Variants in DACH2 observed in about 807,000 individuals in gnomAD.
DACH2 encodes the protein dachshund family transcription factor 2.
DACH2 carries 17 observed loss-of-function variants against 35.8 expected under a neutral mutation model. The observed-to-expected ratio is 0.48, with a 90% CI of 0.33 to 0.71. The LOEUF is 0.71. Among genes scored for constraint, DACH2 ranks in the 30% least tolerant of loss-of-function variants. The pLI is 0.02. For missense variants in DACH2, 469 were observed against 472.7 expected, an observed-to-expected ratio of 0.99 and a Z score of 0.07; for synonymous variants, 195 against 177.3, an observed-to-expected ratio of 1.10 and a Z score of -0.79.
At chrX:86,221,613 T>C (rs1273027006) in intron 1 of DACH2, among the ~76,000 whole-genome samples, 1 of 112,120 alleles carries the variant, frequency 8.9e-6, no homozygotes, top group Non-Finnish European at 1.9e-5. Flanking sequence ...TGGATTTTGA[T>C]GGGTGTAACA....
At chrX:86,161,203 C>T in intron 1 of DACH2, 1 of 1,180,682 alleles carries the variant, frequency 8.5e-7, no homozygotes, top group South Asian at 1.8e-5. Context: ...TTGTTAACAC[C>T]AACAATTAGT....
chrX:86,686,219 T>C (rs1398343891), intron 4 of DACH2, among the ~76,000 whole-genome samples: 1 of 110,941 alleles, frequency 9.0e-6, no homozygotes, highest in Non-Finnish European at 1.9e-5. Context: ...AGGGTATTTT[T>C]ATTTTATTTA....
chrX:86,697,739 T>C (rs2041084011), intron 5 of DACH2, among the ~76,000 whole-genome samples: 1 of 110,965 alleles, frequency 9.0e-6, no homozygotes, highest in Non-Finnish European at 1.9e-5. Context: ...GAGTATCTTA[T>C]ATGAAATCAT....
chrX:86,745,791 A>T (rs2041706038), intron 7 of DACH2, among the ~76,000 whole-genome samples: 2 of 111,485 alleles, frequency 1.8e-5, no homozygotes, highest in Admixed American at 9.6e-5. Context: ...TTCTATTTTA[A>T]GTTCTTTGAG....
At chrX:86,613,104 A>G (rs1206253689) in intron 3 of DACH2, among the ~76,000 whole-genome samples, 1 of 112,379 alleles carries the variant, frequency 8.9e-6, no homozygotes, top group Non-Finnish European at 1.9e-5. Context: ...ATAGTTTATT[A>G]TATAAAATAT....
At chrX:86,680,344 A>G (rs1357690920) in intron 4 of DACH2, among the ~76,000 whole-genome samples, 1 of 112,138 alleles carries the variant, frequency 8.9e-6, no homozygotes, top group African/African-American at 3.2e-5. Context: ...GCAGGTAGTG[A>G]AAACTGCAGC....
intron 7 of DACH2, among the ~76,000 whole-genome samples, chrX:86,762,184 A>G (rs1372947622): frequency 9.0e-6 from 1 of 111,652 alleles, no homozygotes; most frequent in Non-Finnish European, 1.9e-5. Context: ...TCAAACAATC[A>G]TAGACATTTA....
intron 1 of DACH2, among the ~76,000 whole-genome samples, chrX:86,190,115 G>GATC (rs1350176245): frequency 9.2e-6 from 1 of 108,256 alleles, no homozygotes; most frequent in Non-Finnish European, 1.9e-5. Context: ...ACTGAGCCAA[G>GATC]ATCATGCCAC....
At chrX:86,459,182 T>C (rs1216699720) in intron 2 of DACH2, among the ~76,000 whole-genome samples, 5 of 111,677 alleles carry the variant, frequency 4.5e-5, no homozygotes, top group Non-Finnish European at 9.4e-5. Context: ...CATTCTATTT[T>C]GCTCTTCTAT....
At chrX:86,394,292 T>G (rs770624900) in intron 2 of DACH2, among the ~76,000 whole-genome samples, 1 of 111,036 alleles carries the variant, frequency 9.0e-6, no homozygotes, top group Non-Finnish European at 1.9e-5. Context: ...TAATTAATTA[T>G]AATTTTATTA....
chrX:86,557,358 T>G (rs2039146839), intron 3 of DACH2, among the ~76,000 whole-genome samples: 1 of 110,932 alleles, frequency 9.0e-6, no homozygotes, highest in Admixed American at 9.6e-5. Context: ...TAAAAAATCT[T>G]TTGAAGTCAG....
intron 2 of DACH2, among the ~76,000 whole-genome samples, chrX:86,501,846 T>A (rs1370234623): frequency 8.9e-6 from 1 of 111,831 alleles, no homozygotes; most frequent in Non-Finnish European, 1.9e-5. Flanking sequence ...TGCCACCTGT[T>A]AATTTTGGTA....
intron 1 of DACH2, among the ~76,000 whole-genome samples, chrX:86,206,887 C>T (rs2032327185): frequency 8.9e-6 from 1 of 111,759 alleles, no homozygotes; most frequent in Non-Finnish European, 1.9e-5. Context: ...TTTTTGTTCT[C>T]ATATTTTTGG....
intron 1 of DACH2, among the ~76,000 whole-genome samples, chrX:86,363,898 G>A (rs2035771771): frequency 9.0e-6 from 1 of 111,251 alleles, no homozygotes; most frequent in Admixed American, 9.6e-5. Flanking sequence ...GTTTCCTATA[G>A]TTAAAAAATT....
chrX:86,681,304 G>A (rs1386545085), intron 4 of DACH2, among the ~76,000 whole-genome samples: 1 of 111,141 alleles, frequency 9.0e-6, no homozygotes, highest in East Asian at 2.8e-4. Flanking sequence ...TAAAAACAGT[G>A]TTTAAAAAGT....
intron 2 of DACH2, among the ~76,000 whole-genome samples, chrX:86,477,445 G>A (rs2037864529): frequency 9.8e-6 from 1 of 101,894 alleles, no homozygotes; most frequent in African/African-American, 3.6e-5. Flanking sequence ...TTATAGTTTT[G>A]TCTTGAAATC....
chrX:86,461,641 G>T (rs67364357), intron 2 of DACH2, among the ~76,000 whole-genome samples: 4,098 of 110,872 alleles, frequency 0.037, 83 homozygotes, highest in East Asian at 0.21. Flanking sequence ...ATTTAACAAA[G>T]TGTCATTGAA....
At chrX:86,707,231 G>A (rs1351281070) in intron 5 of DACH2, among the ~76,000 whole-genome samples, 1 of 110,917 alleles carries the variant, frequency 9.0e-6, no homozygotes, top group Non-Finnish European at 1.9e-5. Context: ...TTGATAACTT[G>A]GATGAAATTA....
intron 2 of DACH2, among the ~76,000 whole-genome samples, chrX:86,394,982 A>G (rs182980584): frequency 2.2e-4 from 25 of 112,125 alleles, no homozygotes; most frequent in African/African-American, 7.8e-4. Context: ...CATGGCCGTC[A>G]TCCCTACTCG....
Sources: gnomAD v4.1 joint callset for allele counts (sites outside exome capture counted in the v4.1 genomes callset) on GRCh38, gnomAD v4.1.1 for gene constraint, MANE v1.5 for transcripts, NCBI Gene and HGNC (gene_info 2026-07-23, HGNC 2026-07-21) for gene names.